The following MEIS2 variants were observed in gnomAD, a reference collection of about 807,000 sequenced individuals.
MEIS2 encodes the protein homeobox protein Meis2.
In MEIS2, 9 loss-of-function variants were observed where a neutral mutation model predicts 58.6. That is an observed-to-expected ratio of 0.15 (90% CI 0.09 to 0.27). MEIS2 has a LOEUF of 0.27. Ranked by LOEUF, MEIS2 falls within the 10% of genes least tolerant of loss-of-function variation. MEIS2 has a pLI of 1.00. For synonymous variants in MEIS2, 221 were observed against 228.4 expected, an observed-to-expected ratio of 0.97 and a Z score of 0.29; for missense variants, 427 against 635.0, an observed-to-expected ratio of 0.67 and a Z score of 3.52.
intron 9 of MEIS2, among the ~76,000 whole-genome samples, chr15:36,936,428 G>A (rs958031733): frequency 1.3e-5 from 2 of 152,016 alleles, no homozygotes; most frequent in Non-Finnish European, 2.9e-5. Context: ...ATCTCCTGAG[G>A]GAGGTGCATT....
intron 2 of MEIS2, chr15:37,097,275 A>G (rs1894384381): frequency 6.6e-6 from 1 of 152,230 alleles, no homozygotes; most frequent in South Asian, 2.1e-4. Context: ...ACCTACCCTC[A>G]GCCGGAAGAG....
At chr15:37,043,315 T>C (rs541460329) in intron 7 of MEIS2, among the ~76,000 whole-genome samples, 1 of 152,298 alleles carries the variant, frequency 6.6e-6, no homozygotes, top group South Asian at 2.1e-4. Context: ...AATAAAAATT[T>C]ACCATATTCA....
chr15:37,072,963 T>C (rs1284080983), intron 7 of MEIS2, among the ~76,000 whole-genome samples: 5 of 152,072 alleles, frequency 3.3e-5, no homozygotes, highest in African/African-American at 7.2e-5. Flanking sequence ...TAGAAGCATG[T>C]GTATTTATTC....
At chr15:37,002,009 G>T (rs2060746635) in intron 8 of MEIS2, among the ~76,000 whole-genome samples, 1 of 151,996 alleles carries the variant, frequency 6.6e-6, no homozygotes, top group South Asian at 2.1e-4. Context: ...CAACCCATCT[G>T]ATTAAACTTT....
At chr15:37,097,850 G>A (rs1894481137) in intron 2 of MEIS2, 117 bp downstream of exon 2, 1 of 1,389,346 alleles carries the variant, frequency 7.2e-7, no homozygotes, top group Non-Finnish European at 9.4e-7. Flanking sequence ...AGCGGCGCCC[G>A]CCCCCCACCA....
At chr15:36,976,136 G>A (rs565546059) in intron 8 of MEIS2, among the ~76,000 whole-genome samples, 7 of 152,220 alleles carry the variant, frequency 4.6e-5, no homozygotes, top group South Asian at 4.1e-4. Flanking sequence ...CCAGGCTGGA[G>A]TGCAGTGGCG....
chr15:37,055,571 T>G (rs947241912), intron 7 of MEIS2, among the ~76,000 whole-genome samples: 2 of 152,118 alleles, frequency 1.3e-5, no homozygotes, highest in Admixed American at 1.3e-4. Flanking sequence ...AGCAGTAAAA[T>G]TGATTCATCT....
At chr15:36,915,832 C>A (rs2057251969) in intron 9 of MEIS2, among the ~76,000 whole-genome samples, 1 of 152,040 alleles carries the variant, frequency 6.6e-6, no homozygotes. Context: ...CATGGCTGAA[C>A]CAAAATTCAG....
chr15:36,982,529 C>T (rs1400471737), intron 8 of MEIS2, among the ~76,000 whole-genome samples: 1 of 152,074 alleles, frequency 6.6e-6, no homozygotes, highest in Non-Finnish European at 1.5e-5. Context: ...TTTGTATGTA[C>T]AATCATTTTC....
At chr15:37,075,166 A>G (rs960351047) in intron 7 of MEIS2, among the ~76,000 whole-genome samples, 2 of 152,032 alleles carry the variant, frequency 1.3e-5, no homozygotes, top group African/African-American at 4.8e-5. Flanking sequence ...ATTTTCCACT[A>G]TTAGATATAC....
At chr15:36,966,428 G>A (rs941040111) in intron 8 of MEIS2, among the ~76,000 whole-genome samples, 4 of 152,108 alleles carry the variant, frequency 2.6e-5, no homozygotes, top group African/African-American at 9.7e-5. Flanking sequence ...CACCAGACGA[G>A]TATTATGGCT....
chr15:36,926,173 A>G (rs1236754567), intron 9 of MEIS2, among the ~76,000 whole-genome samples: 3 of 150,226 alleles, frequency 2.0e-5, no homozygotes, highest in African/African-American at 7.4e-5. Context: ...TTTTTTCTTG[A>G]AAGGTCACTC....
intron 8 of MEIS2, among the ~76,000 whole-genome samples, chr15:37,021,644 G>A (rs925345565): frequency 4.6e-5 from 7 of 152,128 alleles, no homozygotes; most frequent in Non-Finnish European, 8.8e-5. Context: ...ACCCCTTGGT[G>A]GGTTTCCAGT....
At chr15:36,905,654 T>C (rs2056697161) in intron 9 of MEIS2, among the ~76,000 whole-genome samples, 1 of 152,170 alleles carries the variant, frequency 6.6e-6, no homozygotes. Context: ...GACCAAATAA[T>C]TTTTAAGGTC....
At chr15:36,946,671 T>C (rs1466136297) in intron 9 of MEIS2, among the ~76,000 whole-genome samples, 3 of 152,012 alleles carry the variant, frequency 2.0e-5, no homozygotes, top group Admixed American at 2.0e-4. Context: ...CTATCTTACA[T>C]GCCAGCACCA....
chr15:37,090,667 A>T (rs1050368346), intron 6 of MEIS2, among the ~76,000 whole-genome samples: 1 of 151,778 alleles, frequency 6.6e-6, no homozygotes. Context: ...AAACATGCAC[A>T]CACACGAGTA....
At chr15:36,957,230 T>A (rs1230561444) in intron 8 of MEIS2, among the ~76,000 whole-genome samples, 11 of 152,308 alleles carry the variant, frequency 7.2e-5, no homozygotes, top group African/African-American at 2.6e-4. Flanking sequence ...TTTTAGCATG[T>A]TTTTTGTGTA....
At position 37,094,541 on chromosome 15, in the gene MEIS2, A is replaced by G. The variant is rs1347155599; in HGVS notation, c.475T>C (p.Leu159=). The G allele has an allele frequency of 2.5e-6, 4 of 1,613,076 alleles. No homozygotes were observed. The African/African-American group carries it at 5.3e-5, about 22-fold the overall frequency. Residue 159 remains leucine, a synonymous_variant, in exon 5 of 12, where the codon TTG becomes CTG. Coordinates refer to ENST00000561208, the MANE Select transcript of MEIS2 (RefSeq NM_170675.5). Reference sequence around the variant, plus strand: ...TTCCTGCTTACCTTTTCTAACTCCAAAAGATGAAACCTTAGTACTTGTATT... The same window carrying G: ...TTCCTGCTTACCTTTTCTAACTCCAGAAGATGAAACCTTAGTACTTGTATT... The part of the protein sequence containing the change: ...QAIQVLRFHL[L]ELEKVHELCD...
intron 8 of MEIS2, among the ~76,000 whole-genome samples, chr15:37,033,720 G>A (rs1411627768): frequency 1.3e-5 from 2 of 152,252 alleles, no homozygotes; most frequent in Admixed American, 6.5e-5. Flanking sequence ...CTAGTTCCAA[G>A]GACTTCCTCA....
Sources: gnomAD v4.1 joint callset for allele counts (sites outside exome capture counted in the v4.1 genomes callset) on GRCh38, gnomAD v4.1.1 for gene constraint, MANE v1.5 for transcripts, NCBI Gene and HGNC (gene_info 2026-07-23, HGNC 2026-07-21) for gene names.